Variants in SNX6 observed in about 807,000 individuals in gnomAD.
SNX6 encodes sorting nexin 6.
In SNX6, 34 loss-of-function variants were observed where a neutral mutation model predicts 63.0. The ratio of observed to expected loss-of-function variants is 0.54; its 90% confidence interval spans 0.41 to 0.72. SNX6 has a LOEUF of 0.72. Among genes scored for constraint, SNX6 ranks in the 30% least tolerant of loss-of-function variants. The pLI is 0.00. For synonymous variants in SNX6, 170 were observed against 164.2 expected (o/e 1.04, Z -0.27); for missense variants, 398 against 471.4 (o/e 0.84, Z 1.44).
At chr14:34,581,622 T>G in intron 9 of SNX6, 22 bp from the exon 10 acceptor site, 1 of 1,415,842 alleles carries the variant, frequency 7.1e-7, no homozygotes, top group Non-Finnish European at 9.9e-7. Context: ...AATATTTTCA[T>G]CATATTCTAC....
At chr14:34,606,176 A>G (rs1257093575) in intron 4 of SNX6, among the ~76,000 whole-genome samples, 1 of 146,100 alleles carries the variant, frequency 6.8e-6, no homozygotes, top group Admixed American at 6.9e-5. Context: ...CCTGTCTCCA[A>G]AAAAAAAAAG....
intron 11 of SNX6, among the ~76,000 whole-genome samples, chr14:34,571,781 T>A (rs530450022): frequency 8.8e-4 from 134 of 152,360 alleles, no homozygotes; most frequent in African/African-American, 3.1e-3. Context: ...ATCCATTGAA[T>A]ATTTGCGTTG....
chr14:34,571,978 G>A (rs942825190), intron 11 of SNX6, among the ~76,000 whole-genome samples: 14 of 152,076 alleles, frequency 9.2e-5, no homozygotes, highest in Admixed American at 2.0e-4. Flanking sequence ...GAGCCACCAC[G>A]CCCAGCCCTG....
chr14:34,574,619 CAAAAAAAAAAAAAA>C, intron 11 of SNX6, among the ~76,000 whole-genome samples: 1 of 79,424 alleles, frequency 1.3e-5, no homozygotes, highest in African/African-American at 4.6e-5. Context: ...GACTCCATCT[CAAAAAAAAAAAAAA>C]AAAAAAAAAG....
chr14:34,592,897 A>C, intron 8 of SNX6, 148 bp downstream of exon 8: 2 of 604,524 alleles, frequency 3.3e-6, no homozygotes. Flanking sequence ...TTGACCTCAC[A>C]GGCTCACTAT....
At chr14:34,607,699 A>G (rs1347046099) in intron 4 of SNX6, among the ~76,000 whole-genome samples, 1 of 150,998 alleles carries the variant, frequency 6.6e-6, no homozygotes, top group Admixed American at 6.6e-5. Context: ...TCTGAGGTTA[A>G]GAGTTCAAGA....
intron 13 of SNX6, among the ~76,000 whole-genome samples, chr14:34,564,046 G>C (rs2138250818): frequency 6.6e-6 from 1 of 151,704 alleles, no homozygotes; most frequent in Non-Finnish European, 1.5e-5. Context: ...CCTTTGTTTT[G>C]AGACAGAGTC....
At chr14:34,617,061 A>G (rs1883443497) in intron 2 of SNX6, among the ~76,000 whole-genome samples, 1 of 152,072 alleles carries the variant, frequency 6.6e-6, no homozygotes, top group Non-Finnish European at 1.5e-5. Flanking sequence ...CAGCCTGGTC[A>G]AGAGAGCAAG....
In SNX6 at chr14:34,605,586, A is replaced by G. The variant is rs757115273; in HGVS notation, c.392+10T>C. On this transcript the variant is annotated intron_variant, in intron 5 of 13. Transcript: ENST00000362031. ...AAAAAAAAAAACAAAAAAATAAAAAAATCACTTACGCTTCCAGTTCCTGTT... is the reference window on the plus strand; with the variant it reads ...AAAAAAAAAAACAAAAAAATAAAAAGATCACTTACGCTTCCAGTTCCTGTT... 10 of 1,546,202 alleles carry G rather than the reference A, an allele frequency of 6.5e-6. No individual in the cohort carries two copies. The African/African-American group carries it at 8.4e-5, about 13-fold the overall frequency.
intron 11 of SNX6, 180 bp downstream of exon 11, chr14:34,575,576 A>G (rs943524390): frequency 7.1e-6 from 2 of 279,924 alleles, no homozygotes; most frequent in Non-Finnish European, 1.4e-5. Context: ...GGTTTCCCAC[A>G]TGAAATATGT....
intron 4 of SNX6, among the ~76,000 whole-genome samples, chr14:34,607,015 T>C (rs1160535669): frequency 1.3e-5 from 2 of 151,686 alleles, no homozygotes; most frequent in Non-Finnish European, 2.9e-5. Flanking sequence ...CCTGACCTCA[T>C]GATCCACCCG....
chr14:34,591,783 C>G (rs892842962), intron 8 of SNX6, among the ~76,000 whole-genome samples: 2 of 152,072 alleles, frequency 1.3e-5, no homozygotes, highest in African/African-American at 4.8e-5. Context: ...GGATTTTTGG[C>G]CAGGTTCCTC....
chr14:34,585,551 T>C (rs1032605661), intron 9 of SNX6, among the ~76,000 whole-genome samples: 7 of 152,026 alleles, frequency 4.6e-5, no homozygotes, highest in Non-Finnish European at 7.4e-5. Context: ...ACCAAAAGTA[T>C]TGTGTGCATC....
At chr14:34,610,402 A>G (rs911925348) in intron 2 of SNX6, among the ~76,000 whole-genome samples, 6 of 149,930 alleles carry the variant, frequency 4.0e-5, no homozygotes, top group Non-Finnish European at 8.9e-5. Flanking sequence ...ACAAAACCCT[A>G]TTTTCCAAGA....
rs780850753 is a variant in SNX6, at chr14:34,603,374, G to A, written c.490C>T (p.His164Tyr). 3 of 1,610,446 alleles carry A rather than the reference G, an allele frequency of 1.9e-6. No homozygotes were observed. Among genetic ancestry groups the A allele is most frequent in the South Asian group, 1.1e-5 (1 of 90,234 alleles). The change falls in exon 6 of 14, where the codon CAT becomes TAT. Residue 164 changes from histidine (H) to tyrosine (Y), a missense_variant. Coordinates refer to ENST00000362031, the MANE Select transcript of SNX6 (RefSeq NM_152233.4). Reference sequence around the variant, plus strand: ...TCTTGATTATATTCCAAGAAGACATGGAAATTTAAATCTCTTCTCAAAATA... The same window carrying A: ...TCTTGATTATATTCCAAGAAGACATAGAAATTTAAATCTCTTCTCAAAATA... ...HPILRRDLNF[H>Y]VFLEYNQDLS...
intron 2 of SNX6, among the ~76,000 whole-genome samples, chr14:34,622,204 C>T (rs4347522): frequency 0.63 from 94,504 of 149,082 alleles, 30,363 homozygotes; most frequent in East Asian, 0.91. Flanking sequence ...TCAGGTGATC[C>T]GCCCACCTCG....
At chr14:34,582,407 C>T (rs1472219466) in intron 9 of SNX6, among the ~76,000 whole-genome samples, 1 of 152,052 alleles carries the variant, frequency 6.6e-6, no homozygotes, top group African/African-American at 2.4e-5. Flanking sequence ...GAAAGGATGG[C>T]TTGAGCCCAG....
chr14:34,568,636 T>TG (rs1881300190), intron 11 of SNX6: 5 of 368,430 alleles, frequency 1.4e-5, no homozygotes, highest in African/African-American at 2.2e-5. Context: ...CTCAGCCTGT[T>TG]TTTTTTTTTT....
At chr14:34,624,257 C>T (rs1883738858) in intron 2 of SNX6, among the ~76,000 whole-genome samples, 1 of 152,008 alleles carries the variant, frequency 6.6e-6, no homozygotes, top group African/African-American at 2.4e-5. Flanking sequence ...CCAGCCATCA[C>T]GCCCGGCTAA....
Sources: gnomAD v4.1 joint callset for allele counts (sites outside exome capture counted in the v4.1 genomes callset) on GRCh38, gnomAD v4.1.1 for gene constraint, MANE v1.5 for transcripts, NCBI Gene and HGNC (gene_info 2026-07-23, HGNC 2026-07-21) for gene names.